The following ZBTB25 variants were observed in gnomAD, a reference collection of about 807,000 sequenced individuals.
The protein encoded by ZBTB25 is zinc finger and BTB domain-containing protein 25.
ZBTB25 carries 20 observed loss-of-function variants against 34.2 expected under a neutral mutation model. The observed-to-expected ratio is 0.58, with a 90% CI of 0.41 to 0.85. The LOEUF (loss-of-function observed/expected upper bound fraction) is 0.85. Among genes scored for constraint, ZBTB25 ranks in the 40% least tolerant of loss-of-function variants. ZBTB25 has a pLI of 0.00. For missense variants in ZBTB25, 437 were observed against 521.8 expected (o/e 0.84, Z 1.58); for synonymous variants, 175 against 186.4 (o/e 0.94, Z 0.50).
intron 2 of ZBTB25, chr14:64,467,098 A>G (rs1214180251): frequency 6.6e-6 from 1 of 152,206 alleles, no homozygotes; most frequent in South Asian, 2.1e-4. Context: ...CCATTAATCA[A>G]TTTTTTAATT....
rs12587758 is a variant in ZBTB25, at chr14:64,484,309, C to A, written c.*2614G>T. Reference sequence around the variant, plus strand: ...CATTTATCCAAACTCTGCCCTGAGGCACTTGCTGTCTTATCCAACCAACCA... The same window carrying A: ...CATTTATCCAAACTCTGCCCTGAGGAACTTGCTGTCTTATCCAACCAACCA... On this transcript the variant is annotated 3_prime_UTR_variant, in exon 3 of 3. Transcript: ENST00000608382. 6.6e-6 allele frequency: 1 copy of A among 152,276 alleles called. No homozygotes were observed. Among genetic ancestry groups the A allele is most frequent in the African/African-American group, 2.4e-5 (1 of 41,458 alleles). The allele number at this position is 152,276 out of a possible 1,614,324, so 9.4% of individuals were successfully genotyped here.
At chr14:64,503,271 G>A in intron 1 of ZBTB25, 1 of 985,472 alleles carries the variant, frequency 1.0e-6, no homozygotes. Flanking sequence ...CCCAGCATCT[G>A]GAAAGTCGCC....
At chr14:64,453,763 G>A (rs765065302) in intron 2 of ZBTB25, 2 of 1,604,340 alleles carry the variant, frequency 1.2e-6, no homozygotes, top group East Asian at 2.2e-5. Context: ...GCTCCCAGTT[G>A]AGGATAAAAT....
intron 2 of ZBTB25, chr14:64,458,655 T>G: frequency 2.7e-6 from 1 of 368,192 alleles, no homozygotes; most frequent in Non-Finnish European, 5.2e-6. Flanking sequence ...GATGACACAT[T>G]GCAGGTCAGG....
Position 64,485,889 on chromosome 14 carries a change from T to C in ZBTB25, c.*1034A>G. ...TAGACCAAGTTAACAACCCTGGGGT[T>C]TTTAGTCAATGCAGTTCTAGCTCAG... On this transcript the variant is annotated 3_prime_UTR_variant, in exon 3 of 3. Transcript: ENST00000608382. 2 of 985,436 alleles carry C rather than the reference T, an allele frequency of 2.0e-6. No individual in the cohort carries two copies. Among genetic ancestry groups the C allele is most frequent in the South Asian group, 4.7e-5 (1 of 21,288 alleles). 61.0% of individuals were successfully genotyped at this position (985,436 alleles called of 1,614,324 possible). A position where few individuals can be genotyped will look rare whatever the true frequency, so the allele number is the denominator to read the frequency against.
chr14:64,494,359 G>A (rs1454129329), intron 1 of ZBTB25, among the ~76,000 whole-genome samples: 7 of 152,196 alleles, frequency 4.6e-5, no homozygotes, highest in Middle Eastern at 3.2e-3. Context: ...TAGGCCAAGC[G>A]CAGTGGCCCA....
intron 2 of ZBTB25, chr14:64,454,803 A>G: frequency 6.2e-7 from 1 of 1,614,158 alleles, no homozygotes; most frequent in Non-Finnish European, 8.5e-7. Context: ...GTGTCCCTAC[A>G]GGCTTCATTC....
intron 1 of ZBTB25, among the ~76,000 whole-genome samples, chr14:64,490,900 T>C (rs1030004031): frequency 6.6e-6 from 1 of 152,366 alleles, no homozygotes; most frequent in Middle Eastern, 3.4e-3. Context: ...AATGAGATAC[T>C]GATTCCTGCC....
downstream of ZBTB25, among the ~76,000 whole-genome samples, chr14:64,475,682 G>GC (rs1293184571): frequency 2.6e-5 from 4 of 152,118 alleles, no homozygotes; most frequent in Admixed American, 1.3e-4. Context: ...GCGTGTCTGT[G>GC]CACTACACAT....
At position 64,487,196 on chromosome 14, in the gene ZBTB25, C is replaced by G; in HGVS notation, c.1035G>C (p.Arg345Ser). The G allele has an allele frequency of 6.2e-7, 1 of 1,613,622 alleles. No individual in the cohort carries two copies. The highest frequency in any genetic ancestry group is 8.5e-7 in the Non-Finnish European group (1 of 1,179,884). Reference protein sequence around the residue: ...VELNCNFSFSRKRKMSCTICG... With the variant: ...VELNCNFSFSSKRKMSCTICG... ...AGATGGTACAGCTCATTTTTCTTTTCCTTGAAAAAGAAAAATTACAGTTTA... is the reference window on the plus strand; with the variant it reads ...AGATGGTACAGCTCATTTTTCTTTTGCTTGAAAAAGAAAAATTACAGTTTA... Residue 345 changes from arginine to serine, a missense_variant, in exon 3 of 3, where the codon AGG (arginine) becomes AGC (serine). Physicochemically the swap from Arg to Ser is moderately radical, Grantham distance 110. Coordinates refer to ENST00000608382, the MANE Select transcript of ZBTB25 (RefSeq NM_006977.5).
At chr14:64,477,271 T>TA (rs1375761100), downstream of ZBTB25, among the ~76,000 whole-genome samples, 1 of 152,206 alleles carries the variant, frequency 6.6e-6, no homozygotes, top group Admixed American at 6.5e-5. Context: ...AGGCACCCCC[T>TA]AGCACTGTGT....
rs1024424495 is a variant in ZBTB25, at chr14:64,479,585, G to A, written c.*7338C>T. 2.0e-5 allele frequency: 3 copies of A among 152,200 alleles called. No individual in the cohort carries two copies. The highest frequency in any genetic ancestry group is 6.5e-5 in the Admixed American group (1 of 15,282). The allele number at this position is 152,200 out of a possible 1,614,324, so 9.4% of individuals were successfully genotyped here. ...AAAGAAGATCACCCTCCCTGATGTG[G>A]GTGGCTCTCATTCCATCAGTTGAAG... On this transcript the variant is annotated 3_prime_UTR_variant, in exon 3 of 3. Transcript: ENST00000608382.
At chr14:64,505,190 G>A (rs2079627485), upstream of ZBTB25, 1 of 323,612 alleles carries the variant, frequency 3.1e-6, no homozygotes, top group South Asian at 1.6e-4. Flanking sequence ...ACGGAGACTA[G>A]TTCCCAAATT....
At chr14:64,465,419 C>G (rs933757701) in intron 2 of ZBTB25, 23 of 151,660 alleles carry the variant, frequency 1.5e-4, no homozygotes, top group African/African-American at 5.3e-4. Context: ...CCTGCCCGCC[C>G]GCTCCGCTCC....
chr14:64,496,781 T>C (rs1192207417), intron 1 of ZBTB25, among the ~76,000 whole-genome samples: 2 of 152,222 alleles, frequency 1.3e-5, no homozygotes, highest in Admixed American at 6.5e-5. Flanking sequence ...TCAAGTATAT[T>C]GAGAATCTGT....
At chr14:64,458,161 G>T in intron 2 of ZBTB25, 2 of 1,379,526 alleles carry the variant, frequency 1.4e-6, no homozygotes, top group Non-Finnish European at 2.1e-6. Context: ...GATTATAGGC[G>T]TGAGCCACTG....
At chr14:64,454,931 T>C in intron 2 of ZBTB25, 1 of 1,579,418 alleles carries the variant, frequency 6.3e-7, no homozygotes, top group Non-Finnish European at 8.7e-7. Flanking sequence ...GTCTGAAGTG[T>C]GTTGCCGAAA....
intron 2 of ZBTB25, chr14:64,472,140 A>C (rs2078679481): frequency 6.0e-6 from 1 of 167,096 alleles, no homozygotes; most frequent in Non-Finnish European, 1.5e-5. Context: ...AAAAAAGACG[A>C]GTCATCTTCT....
chr14:64,470,456 G>GGT (rs1343486704), intron 2 of ZBTB25: 1 of 157,578 alleles, frequency 6.3e-6, no homozygotes, highest in East Asian at 1.9e-4. Context: ...TGGGCGTGGT[G>GGT]GTGCACGCCT....
Sources: gnomAD v4.1 joint callset for allele counts (sites outside exome capture counted in the v4.1 genomes callset) on GRCh38, gnomAD v4.1.1 for gene constraint, MANE v1.5 for transcripts, NCBI Gene and HGNC (gene_info 2026-07-23, HGNC 2026-07-21) for gene names.